Variants in PCLO observed in about 807,000 individuals in gnomAD.
PCLO encodes protein piccolo.
In PCLO, 82 loss-of-function variants were observed where a neutral mutation model predicts 427.5. The ratio of observed to expected loss-of-function variants is 0.19; its 90% CI spans 0.16 to 0.23. PCLO has a LOEUF of 0.23. PCLO is among the 10% of genes least tolerant of loss of function. The pLI, the probability that PCLO is intolerant of heterozygous loss-of-function variation, is 1.00. For synonymous variants in PCLO, 2,357 were observed against 2,155.4 expected (o/e 1.09, Z -2.59); for missense variants, 6,239 against 6,115.9 (o/e 1.02, Z -0.67).
chr7:83,073,942 C>T (rs1789883775), intron 3 of PCLO, among the ~76,000 whole-genome samples: 1 of 151,552 alleles, frequency 6.6e-6, no homozygotes, highest in African/African-American at 2.4e-5. Context: ...ATATTTGTTT[C>T]TAAAACTTCT....
At position 82,914,787 on chromosome 7, in the gene PCLO, T is replaced by C; in HGVS notation, c.13199A>G (p.Glu4400Gly). 1 of 1,613,438 alleles carries C rather than the reference T, an allele frequency of 6.2e-7. No homozygotes were observed. The highest frequency in any genetic ancestry group is 8.5e-7 in the Non-Finnish European group (1 of 1,179,678). The change falls in exon 7 of 25, where the codon GAA becomes GGA. Residue 4400 changes from glutamate (E) to glycine (G), a missense_variant. By Grantham distance (98) the Glu-to-Gly change is moderately conservative. This residue lies in a region of PCLO where 877 missense variants were observed against 925.5 expected (regional missense o/e 0.95). Coordinates refer to ENST00000333891, the MANE Select transcript of PCLO (RefSeq NM_033026.6). ...TTCTTCCCTCATGTGTTGCTGAACTTCAGGCAATGAGTGGCTTGATCCAAA... is the reference window on the plus strand; with the variant it reads ...TTCTTCCCTCATGTGTTGCTGAACTCCAGGCAATGAGTGGCTTGATCCAAA... ...DQFGSSHSLP[E>G]VQQHMREESR...
chr7:83,120,204 C>T (rs1263077774), intron 3 of PCLO, among the ~76,000 whole-genome samples: 1 of 151,690 alleles, frequency 6.6e-6, no homozygotes, highest in Admixed American at 6.6e-5. Context: ...GAGTTCGAGA[C>T]CAGCCTGGCC....
intron 3 of PCLO, among the ~76,000 whole-genome samples, chr7:83,037,427 G>T (rs1356735663): frequency 6.6e-6 from 1 of 151,874 alleles, no homozygotes; most frequent in Non-Finnish European, 1.5e-5. Context: ...AATAATAGTT[G>T]GTTTTAAAGG....
chr7:82,755,074 A>T lies in PCLO; in HGVS notation c.*3501T>A, dbSNP rs1790288195. 1 of 152,070 alleles carries T rather than the reference A, an allele frequency of 6.6e-6. No individual in the cohort carries two copies. Among genetic ancestry groups the T allele is most frequent in the Non-Finnish European group, 1.5e-5 (1 of 67,976 alleles). The allele number at this position is 152,070 out of a possible 1,614,324, so 9.4% of individuals were successfully genotyped here. A position where few individuals can be genotyped will look rare whatever the true frequency, so the allele number is the denominator to read the frequency against. On this transcript the variant is annotated 3_prime_UTR_variant, in exon 25 of 25. Coordinates refer to ENST00000333891, the MANE Select transcript of PCLO (RefSeq NM_033026.6). The stretch of plus-strand genomic sequence containing the variant: ...ACAATATAATATATACTTTTATTTT[A>T]CTTCACATCACCACCACCGCTAATA...
At chr7:82,806,853 T>C (rs1791469252) in intron 20 of PCLO, among the ~76,000 whole-genome samples, 1 of 152,232 alleles carries the variant, frequency 6.6e-6, no homozygotes, top group African/African-American at 2.4e-5. Flanking sequence ...TCTTGTGATA[T>C]TATTTGCCAC....
chr7:82,777,665 T>C (rs1401302346), intron 22 of PCLO, among the ~76,000 whole-genome samples: 3 of 152,162 alleles, frequency 2.0e-5, no homozygotes, highest in East Asian at 1.9e-4. Flanking sequence ...CTCTCTTTAA[T>C]AGACCTTGCT....
At position 83,134,385 on chromosome 7, in the gene PCLO, T is replaced by C. The variant is rs373388702; in HGVS notation, c.3165A>G (p.Pro1055=). 114 of 1,613,732 alleles carry C rather than the reference T, an allele frequency of 7.1e-5. No homozygotes were observed. The highest frequency in any genetic ancestry group is 3.1e-5 in the Non-Finnish European group (37 of 1,179,868). The part of the protein sequence containing the change: ...LPTKLEKSPK[P]ESTCPLCKTE... Reference sequence around the variant, plus strand: ...TTTTGCAGAGAGGACAGGTTGATTCTGGTTTGGGCGATTTCTCCAGTTTTG... The same window carrying C: ...TTTTGCAGAGAGGACAGGTTGATTCCGGTTTGGGCGATTTCTCCAGTTTTG... Residue 1055 remains proline (P), a synonymous_variant, in exon 3 of 25, where the codon CCA becomes CCG. Coordinates refer to ENST00000333891, the MANE Select transcript of PCLO (RefSeq NM_033026.6).
chr7:82,895,229 A>C (rs1177972994), intron 9 of PCLO, among the ~76,000 whole-genome samples: 7 of 152,080 alleles, frequency 4.6e-5, no homozygotes, highest in Non-Finnish European at 7.4e-5. Flanking sequence ...ATGTTTCTAA[A>C]TAAACAATAG....
At chr7:82,874,198 C>A (rs972998589) in intron 10 of PCLO, among the ~76,000 whole-genome samples, 4 of 150,040 alleles carry the variant, frequency 2.7e-5, no homozygotes, top group African/African-American at 9.8e-5. Flanking sequence ...TCACTTATTT[C>A]TTTATATATT....
At chr7:82,971,389 AAC>A (rs1271188037) in intron 3 of PCLO, among the ~76,000 whole-genome samples, 1 of 151,258 alleles carries the variant, frequency 6.6e-6, no homozygotes, top group Non-Finnish European at 1.5e-5. Context: ...ATAGTAAGAC[AAC>A]CAGCAGTTTT....
intron 13 of PCLO, among the ~76,000 whole-genome samples, chr7:82,843,649 A>C (rs1792423890): frequency 6.6e-6 from 1 of 150,446 alleles, no homozygotes; most frequent in African/African-American, 2.4e-5. Context: ...CAATGTAGCC[A>C]TTCCACAACG....
intron 6 of PCLO, among the ~76,000 whole-genome samples, chr7:82,940,590 A>C (rs1051292838): frequency 2.6e-5 from 4 of 152,084 alleles, no homozygotes; most frequent in African/African-American, 9.7e-5. Flanking sequence ...CTTTAGCTTC[A>C]AATCTATTTT....
At position 82,768,127 on chromosome 7, in the gene PCLO, A is replaced by G. The variant is rs569310377; in HGVS notation, c.15008-6634T>C. ...GAATCAACTGATAAAATTTAAAATT[A>G]AAACATAGTATTAGGCTGGGGACGG... On this transcript the variant is annotated intron_variant, in intron 22 of 24. Transcript: ENST00000333891. Among the ~76,000 whole-genome samples, 18 of 152,310 alleles carry G rather than the reference A, an allele frequency of 1.2e-4. No individual in the cohort carries two copies. The South Asian group carries it at 3.5e-3, about 30-fold the overall frequency.
intron 3 of PCLO, among the ~76,000 whole-genome samples, chr7:82,987,082 T>C (rs2115814378): frequency 6.6e-6 from 1 of 152,144 alleles, no homozygotes; most frequent in African/African-American, 2.4e-5. Flanking sequence ...TCATGGTAGA[T>C]GGTAGAAACA....
In PCLO at chr7:83,156,781, T is replaced by C. The variant is rs148065383; in HGVS notation, c.249-389A>G. Among the ~76,000 whole-genome samples, 367 of 152,252 alleles carry C rather than the reference T, an allele frequency of 2.4e-3. 5 individuals are homozygous for C. Among genetic ancestry groups the C allele is most frequent in the African/African-American group, 7.9e-3 (330 of 41,564 alleles). The stretch of plus-strand genomic sequence containing the variant: ...CAATACAGAGTCATATTATAAGGCA[T>C]ACATGTTCACAGAGTGTATTTTTTT... On this transcript the variant is annotated intron_variant, in intron 1 of 24. Transcript: ENST00000333891.
chr7:83,095,468 C>T (rs978004792), intron 3 of PCLO, among the ~76,000 whole-genome samples: 2 of 151,008 alleles, frequency 1.3e-5, no homozygotes, highest in African/African-American at 2.4e-5. Flanking sequence ...CTTCTACTTG[C>T]TTTTGATTTA....
intron 6 of PCLO, among the ~76,000 whole-genome samples, chr7:82,927,056 G>A (rs1045591613): frequency 1.3e-5 from 2 of 151,752 alleles, no homozygotes; most frequent in African/African-American, 4.8e-5. Context: ...CTTTTTTCCT[G>A]TCTGTCAACC....
intron 10 of PCLO, among the ~76,000 whole-genome samples, chr7:82,848,372 G>A (rs983559646): frequency 2.2e-5 from 3 of 133,628 alleles, no homozygotes; most frequent in East Asian, 5.0e-4. Flanking sequence ...GTGCAGTGGT[G>A]TAATCTCTGC....
chr7:82,993,588 T>C (rs921979654), intron 3 of PCLO, among the ~76,000 whole-genome samples: 1 of 151,820 alleles, frequency 6.6e-6, no homozygotes, highest in African/African-American at 2.4e-5. Flanking sequence ...AGCAATAACG[T>C]CTTTTTAAAT....
Sources: allele counts gnomAD v4.1 joint callset (sites outside exome capture counted in the v4.1 genomes callset), GRCh38; gene constraint gnomAD v4.1.1; regional missense constraint gnomAD v4.1.1; transcripts MANE v1.5; gene names NCBI Gene and HGNC (gene_info 2026-07-23, HGNC 2026-07-21).